Variants in NUP50 observed in about 807,000 individuals in gnomAD.
NUP50 encodes the protein nuclear pore complex protein Nup50.
Under a neutral mutation model 36.8 loss-of-function variants are expected in NUP50, and 14 were observed. That is an observed-to-expected ratio of 0.38 (90% CI 0.25 to 0.59). The LOEUF is 0.59. Ranked by LOEUF, NUP50 falls within the 20% of genes least tolerant of loss-of-function variation. NUP50 has a pLI of 0.63. For missense variants in NUP50, 455 were observed against 564.6 expected, an observed-to-expected ratio of 0.81 and a Z score of 1.97; for synonymous variants, 195 against 210.8, an observed-to-expected ratio of 0.93 and a Z score of 0.65.
chr22:45,183,951 G>A (rs1378553740), intron 7 of NUP50: 1 of 214,020 alleles, frequency 4.7e-6, no homozygotes, highest in Non-Finnish European at 9.5e-6. Flanking sequence ...GGAGCGGGCA[G>A]TAGTGGTAGA....
intron 3 of NUP50, 58 bp from the exon 4 acceptor site, chr22:45,175,836 T>G (rs2074267874): frequency 6.4e-7 from 1 of 1,570,290 alleles, no homozygotes; most frequent in Non-Finnish European, 8.7e-7. Context: ...GTCACTCACT[T>G]GCTTTTTGGT....
In NUP50 at chr22:45,167,205, C is replaced by G. The variant is rs763345729; in HGVS notation, c.-10-963C>G. On this transcript the variant is annotated intron_variant, in intron 1 of 7. Coordinates refer to ENST00000347635, the MANE Select transcript of NUP50 (RefSeq NM_007172.4). ...AGGAGTTCAGGCAGGTTTAACAAGA[C>G]CTGGCAGGTCCCCAAAACTAATCAG... 4.3e-4 allele frequency among the ~76,000 whole-genome samples: 65 copies of G among 152,102 alleles called. 1 individual carries two copies. The highest frequency in any genetic ancestry group is 1.8e-4 in the Non-Finnish European group (12 of 68,018).
chr22:45,170,515 G>A (rs962216366), intron 2 of NUP50, among the ~76,000 whole-genome samples: 1 of 152,064 alleles, frequency 6.6e-6, no homozygotes, highest in Admixed American at 6.5e-5. Flanking sequence ...ATTCTTAGAC[G>A]GCCATCTTCC....
At chr22:45,183,655 TTA>T (rs1331978797) in intron 7 of NUP50, 135 bp downstream of exon 7, 3 of 664,266 alleles carry the variant, frequency 4.5e-6, no homozygotes, top group African/African-American at 1.8e-5. Context: ...ATTTACTTAT[TTA>T]TAGTTTTGAG....
At chr22:45,180,306 T>C (rs2074346842) in intron 5 of NUP50, 1 of 152,246 alleles carries the variant, frequency 6.6e-6, no homozygotes, top group Non-Finnish European at 1.5e-5. Flanking sequence ...TTGTTTTTCT[T>C]AGAATTGCTT....
rs1160085925 is a variant in NUP50, at chr22:45,178,485, C to T, written c.588C>T (p.Asn196=). ...AAGACTATGAGAAATATTTAGCAAA[C>T]ATTGAACAGCAACACGGGAACAGTG... is the stretch of plus-strand genomic sequence containing the variant. ...IFKDYEKYLA[N]IEQQHGNSGR... is the part of the protein sequence containing the mutation. Residue 196 remains asparagine (N), a synonymous_variant, in exon 5 of 8, where the codon AAC becomes AAT. Coordinates refer to ENST00000347635, the MANE Select transcript of NUP50 (RefSeq NM_007172.4). 1 of 1,612,522 alleles carries T rather than the reference C, an allele frequency of 6.2e-7. No homozygotes were observed. Among genetic ancestry groups the T allele is most frequent in the South Asian group, 1.1e-5 (1 of 91,008 alleles).
At chr22:45,182,407 A>C (rs1007264552) in intron 6 of NUP50, among the ~76,000 whole-genome samples, 6 of 152,104 alleles carry the variant, frequency 3.9e-5, no homozygotes, top group Non-Finnish European at 8.8e-5. Flanking sequence ...ATGCCACTGC[A>C]CTCCAGCCTG....
At chr22:45,182,894 GATACAGGCGTGAGCCACC>G in intron 6 of NUP50, among the ~76,000 whole-genome samples, 1 of 151,878 alleles carries the variant, frequency 6.6e-6, no homozygotes, top group Non-Finnish European at 1.5e-5. Context: ...AAAGTGCTGG[GATACAGGCGTGAGCCACC>G]GCACCTGGTC....
At chr22:45,175,124 T>G (rs1173911237) in intron 3 of NUP50, among the ~76,000 whole-genome samples, 1 of 152,210 alleles carries the variant, frequency 6.6e-6, no homozygotes, top group Admixed American at 6.6e-5. Context: ...AAAATTGTGG[T>G]GAGTTTATTT....
At chr22:45,184,070 G>A (rs1406086356) in intron 7 of NUP50, 8 of 235,212 alleles carry the variant, frequency 3.4e-5, no homozygotes, top group Non-Finnish European at 6.7e-5. Flanking sequence ...GAGCTGTGCC[G>A]GCCTGTGACA....
intron 5 of NUP50, among the ~76,000 whole-genome samples, chr22:45,179,545 G>A (rs1400274197): frequency 6.6e-6 from 1 of 152,122 alleles, no homozygotes; most frequent in African/African-American, 2.4e-5. Context: ...TTCCTCACAT[G>A]GTGGTTGTGA....
In NUP50 at chr22:45,184,705, C is replaced by G. The variant is rs748021618; in HGVS notation, c.*50C>G. The stretch of plus-strand genomic sequence containing the variant: ...ATTGCCAAGTTGCTGCTGCTTCCAC[C>G]GCCCCTTAAAGTTAGTCAGTTTTTC... On this transcript the variant is annotated 3_prime_UTR_variant, in exon 8 of 8. Transcript: ENST00000347635. 21 of 1,335,160 alleles carry G rather than the reference C, an allele frequency of 1.6e-5. No individual in the cohort carries two copies. The Admixed American group carries it at 3.5e-4, about 22-fold the overall frequency. The allele number at this position is 1,335,160 out of a possible 1,614,324, so 82.7% of individuals were successfully genotyped here.
At chr22:45,184,025 G>GGA (rs1421777110) in intron 7 of NUP50, 4 of 212,762 alleles carry the variant, frequency 1.9e-5, no homozygotes, top group African/African-American at 2.3e-5. Context: ...GCTTGACTAG[G>GGA]GAGTAATAAC....
intron 3 of NUP50, 105 bp downstream of exon 3, chr22:45,171,788 AATACTT>A (rs1378312854): frequency 1.2e-5 from 11 of 917,272 alleles, no homozygotes; most frequent in Admixed American, 6.0e-5. Context: ...GCTTTCTTAA[AATACTT>A]ATTCTTTGAT....
At position 45,185,092 on chromosome 22, in the gene NUP50, A is replaced by G. The variant is rs750297530; in HGVS notation, c.*437A>G. On this transcript the variant is annotated 3_prime_UTR_variant, in exon 8 of 8. Coordinates refer to ENST00000347635, the MANE Select transcript of NUP50 (RefSeq NM_007172.4). ...CTGTGTGCTTCTCTCCGGTGGGCTC[A>G]GCCGACGTGTGAGACTTGTTCTGTT... 1.9e-5 allele frequency: 4 copies of G among 207,036 alleles called. No individual in the cohort carries two copies. Among genetic ancestry groups the G allele is most frequent in the Non-Finnish European group, 4.0e-5 (4 of 100,896 alleles). 12.8% of individuals were successfully genotyped at this position (207,036 alleles called of 1,614,324 possible). A position where few individuals can be genotyped will look rare whatever the true frequency, so the allele number is the denominator to read the frequency against.
intron 7 of NUP50, 172 bp from the exon 8 acceptor site, chr22:45,184,280 TC>T: frequency 3.1e-6 from 2 of 637,926 alleles, no homozygotes; most frequent in Non-Finnish European, 2.8e-6. Flanking sequence ...GGGCAAGTGC[TC>T]CCCGAGGCCT....
At position 45,178,715 on chromosome 22, in the gene NUP50, T is replaced by G. The variant is rs770571062; in HGVS notation, c.818T>G (p.Phe273Cys). ...GGAGCGACAAGTGCCTCATTTAATT[T>G]CGGCAAGAAAGTTGATAGCTCTGTT... Reference protein sequence around the residue: ...SLGATSASFNFGKKVDSSVLG... With the variant: ...SLGATSASFNCGKKVDSSVLG... The change falls in exon 5 of 8, where the codon TTC becomes TGC. Residue 273 changes from phenylalanine to cysteine, a missense_variant. Physicochemically the swap from Phe to Cys is radical, Grantham distance 205 (BLOSUM62 -2). This residue lies in a region of NUP50 where 287 missense variants were observed against 345.5 expected (regional missense o/e 0.83). Coordinates refer to ENST00000347635, the MANE Select transcript of NUP50 (RefSeq NM_007172.4). 2 of 1,613,092 alleles carry G rather than the reference T, an allele frequency of 1.2e-6. No individual in the cohort carries two copies. The highest frequency in any genetic ancestry group is 1.7e-6 in the Non-Finnish European group (2 of 1,179,874).
chr22:45,172,607 CA>C (rs34626930), intron 3 of NUP50, among the ~76,000 whole-genome samples: 1 of 148,996 alleles, frequency 6.7e-6, no homozygotes, highest in Non-Finnish European at 1.5e-5. Context: ...CTTTTATTTC[CA>C]AAAAAAAAGG....
chr22:45,169,319 G>A (rs132867), intron 2 of NUP50, among the ~76,000 whole-genome samples: 135,105 of 152,164 alleles, frequency 0.89, 60,034 homozygotes, highest in East Asian at 1. Context: ...GCTGTGACCT[G>A]TGATTGCACC....
Sources: gnomAD v4.1 joint callset for allele counts (sites outside exome capture counted in the v4.1 genomes callset) on GRCh38, gnomAD v4.1.1 for gene constraint, gnomAD v4.1.1 regional missense constraint, MANE v1.5 for transcripts, NCBI Gene and HGNC (gene_info 2026-07-23, HGNC 2026-07-21) for gene names.